Variants in CIC observed in about 807,000 individuals in gnomAD.
CIC encodes the protein protein capicua homolog.
Under a neutral mutation model 115.7 loss-of-function variants are expected in CIC, and 18 were observed. That is an observed-to-expected ratio of 0.16 (90% CI 0.11 to 0.23). CIC has a LOEUF of 0.23. CIC is among the 10% of genes least tolerant of loss of function. The pLI is 1.00. For synonymous variants in CIC, 1,076 were observed against 923.0 expected (o/e 1.17, Z -3.01); for missense variants, 2,000 against 2,159.3 (o/e 0.93, Z 1.46).
chr19:42,272,882 C>CTG lies in CIC; in HGVS notation c.1100_1101dup (p.Pro368CysfsTer108). 1 of 399,452 alleles carries CTG rather than the reference C, an allele frequency of 2.5e-6. No individual in the cohort carries two copies. The highest frequency in any genetic ancestry group is 4.4e-6 in the Non-Finnish European group (1 of 226,702). 24.7% of individuals were successfully genotyped at this position (399,452 alleles called of 1,614,324 possible). A position where few individuals can be genotyped will look rare whatever the true frequency, so the allele number is the denominator to read the frequency against. On this transcript the variant is annotated frameshift_variant, in exon 2 of 21. Transcript: ENST00000681038. LOFTEE classifies it high-confidence loss of function. ...AGAGCAGGCAGAGCCTGGGGCCACC[C>CTG]TGCCACCCTGCCCTGCTGCCCTGGA...
chr19:42,283,046 C>T (rs35590680), intron 2 of CIC, among the ~76,000 whole-genome samples: 6 of 152,106 alleles, frequency 3.9e-5, no homozygotes, highest in Admixed American at 3.3e-4. Context: ...CTCTGTATAC[C>T]TGATGGGCCT....
intron 10 of CIC, 41 bp from the exon 11 acceptor site, chr19:42,290,192 G>A (rs759647197): frequency 1.8e-5 from 29 of 1,613,234 alleles, no homozygotes; most frequent in Admixed American, 3.3e-5. Context: ...TCGAGGTGTC[G>A]GAGTGTCCTG....
At chr19:42,285,826 C>A (rs1211865883) in intron 2 of CIC, among the ~76,000 whole-genome samples, 1 of 152,260 alleles carries the variant, frequency 6.6e-6, no homozygotes, top group African/African-American at 2.4e-5. Flanking sequence ...CTTGCTCTTC[C>A]ACCACCCACC....
chr19:42,269,855 G>C (rs1329196779), intron 1 of CIC, among the ~76,000 whole-genome samples: 1 of 152,034 alleles, frequency 6.6e-6, no homozygotes, highest in Non-Finnish European at 1.5e-5. Flanking sequence ...GCTGGTGCCA[G>C]GAGGGCTAAT....
In CIC at chr19:42,293,008, G is replaced by C; in HGVS notation, c.6249G>C (p.Pro2083=). The change falls in exon 16 of 21, where the codon CCG becomes CCC. Residue 2083 remains proline, a synonymous_variant. Coordinates refer to ENST00000681038, the MANE Select transcript of CIC (RefSeq NM_001386298.1). ...CCCCCAAGGCCCAGCGGCCCAGCCC[G>C]AAGGCCCCCCAGAAAGTGAAGGCAG... is the stretch of plus-strand genomic sequence containing the variant. ...LVAPKAQRPS[P]KAPQKVKAAI... 1.2e-6 allele frequency: 2 copies of C among 1,613,452 alleles called. No homozygotes were observed. Among genetic ancestry groups the C allele is most frequent in the Non-Finnish European group, 1.7e-6 (2 of 1,179,970 alleles).
chr19:42,294,731 G>T lies in CIC; in HGVS notation c.7182G>T (p.Pro2394=). Residue 2394 remains proline, a synonymous_variant, in exon 20 of 21, where the codon CCG becomes CCT. Coordinates refer to ENST00000681038, the MANE Select transcript of CIC (RefSeq NM_001386298.1). ...TCTTTCAGGACCATGGCTTCTTCCC[G>T]TCAGGTGAGCCTGTCTCGGAGTCTT... ...MQLFQDHGFF[P]SAQATAAFQA... The T allele has an allele frequency of 6.2e-7, 1 of 1,613,202 alleles. No homozygotes were observed. The highest frequency in any genetic ancestry group is 1.1e-5 in the South Asian group (1 of 91,074).
chr19:42,286,420 G>T (rs2037646101), intron 2 of CIC, among the ~76,000 whole-genome samples: 1 of 152,162 alleles, frequency 6.6e-6, no homozygotes, highest in South Asian at 2.1e-4. Flanking sequence ...GAGGTCTGGG[G>T]CCTTGGGAGT....
At chr19:42,293,501 T>G in intron 16 of CIC, 91 bp from the exon 17 acceptor site, 1 of 1,598,106 alleles carries the variant, frequency 6.3e-7, no homozygotes, top group Non-Finnish European at 8.5e-7. Flanking sequence ...AGGGGTCTGC[T>G]GGGCGGGCTC....
chr19:42,288,812 T>G, intron 7 of CIC, 76 bp from the exon 8 acceptor site: 1 of 1,338,736 alleles, frequency 7.5e-7, no homozygotes, highest in Non-Finnish European at 1.1e-6. Flanking sequence ...CCTAGAAATA[T>G]CTATGGGTTG....
chr19:42,289,388 G>T lies in CIC; in HGVS notation c.4069G>T (p.Gly1357Trp). 3 of 1,594,318 alleles carry T rather than the reference G, an allele frequency of 1.9e-6. No individual in the cohort carries two copies. Among genetic ancestry groups the T allele is most frequent in the South Asian group, 1.1e-5 (1 of 89,236 alleles). Residue 1357 changes from glycine (G) to tryptophan (W), a missense_variant, in exon 9 of 21, where the codon GGG becomes TGG. Physicochemically the swap from Gly to Trp is radical, Grantham distance 184 (BLOSUM62 -2). Around this residue, in one of 8 missense-constraint regions of CIC, gnomAD observed 1,466 missense variants for 1,390.4 expected, o/e 1.05. Transcript: ENST00000681038. ...EERMVICEEE[G>W]DDDVIADDGF... ...GCGCATGGTCATCTGTGAGGAGGAAGGGGATGATGATGTCATTGGTGAGCA... is the reference window on the plus strand; with the variant it reads ...GCGCATGGTCATCTGTGAGGAGGAATGGGATGATGATGTCATTGGTGAGCA...
Position 42,295,308 on chromosome 19 carries a change from C to CG in CIC, c.*119dup. On this transcript the variant is annotated 3_prime_UTR_variant, in exon 21 of 21. Coordinates refer to ENST00000681038, the MANE Select transcript of CIC (RefSeq NM_001386298.1). The stretch of plus-strand genomic sequence containing the variant: ...CCATTTCGTCCTCTCCAGTTTGGGG[C>CG]GGAATGAGGCCTGCTCCTCTTGTAA... 1.1e-6 allele frequency: 1 copy of CG among 888,720 alleles called. No homozygotes were observed. The highest frequency in any genetic ancestry group is 1.7e-6 in the Non-Finnish European group (1 of 580,562). 55.1% of individuals were successfully genotyped at this position (888,720 alleles called of 1,614,324 possible). A position where few individuals can be genotyped will look rare whatever the true frequency, so the allele number is the denominator to read the frequency against.
rs1410164689 is a variant in CIC, at chr19:42,273,521, C to T, written c.1738C>T (p.Arg580Trp). 1.0e-5 allele frequency: 4 copies of T among 398,408 alleles called. No individual in the cohort carries two copies. The highest frequency in any genetic ancestry group is 1.3e-5 in the Non-Finnish European group (3 of 225,992). The allele number at this position is 398,408 out of a possible 1,614,324, so 24.7% of individuals were successfully genotyped here. The change falls in exon 2 of 21, where the codon CGG (arginine) becomes TGG (tryptophan). Residue 580 changes from arginine to tryptophan, a missense_variant. Arg to Trp is a moderately radical substitution (Grantham distance 101, BLOSUM62 -3). This residue lies in a region of CIC where 222 missense variants were observed against 247.7 expected (regional missense o/e 0.90). Coordinates refer to ENST00000681038, the MANE Select transcript of CIC (RefSeq NM_001386298.1). ...ASSVAARGDS[R>W]PRLVAPADLS... ...CAGTGTGGCGGCTCGTGGAGACTCA[C>T]GGCCACGCCTGGTGGCCCCTGCTGA...
rs200823713 is a variant in CIC, at chr19:42,291,535, C to T, written c.5426-23C>T. 5.3e-5 allele frequency: 85 copies of T among 1,613,022 alleles called. 1 individual carries two copies. Among genetic ancestry groups the T allele is most frequent in the Non-Finnish European group, 6.8e-5 (80 of 1,180,006 alleles). On this transcript the variant is annotated intron_variant, in intron 11 of 20. Coordinates refer to ENST00000681038, the MANE Select transcript of CIC (RefSeq NM_001386298.1). ...TGTTTGGCTCCCTTGTAACCTTTTC[C>T]TTTCTTGCCTCTTAACTTCCAGCCC...
In CIC at chr19:42,295,437, G is replaced by A; in HGVS notation, c.*246G>A. 1 of 505,496 alleles carries A rather than the reference G, an allele frequency of 2.0e-6. No homozygotes were observed. Among genetic ancestry groups the A allele is most frequent in the Non-Finnish European group, 3.5e-6 (1 of 284,102 alleles). The allele number at this position is 505,496 out of a possible 1,614,324, so 31.3% of individuals were successfully genotyped here. Reference sequence around the variant, plus strand: ...CCCCTGTACATAACCTGGAGCGTGTGACCTTCAGAGCTTTTCACTTTATGC... The same window carrying A: ...CCCCTGTACATAACCTGGAGCGTGTAACCTTCAGAGCTTTTCACTTTATGC... On this transcript the variant is annotated 3_prime_UTR_variant, in exon 21 of 21. Coordinates refer to ENST00000681038, the MANE Select transcript of CIC (RefSeq NM_001386298.1).
Position 42,287,645 on chromosome 19 carries a change from G to A in CIC, c.3410G>A (p.Arg1137Gln), listed in dbSNP as rs2147198843. 6.2e-7 allele frequency: 1 copy of A among 1,613,996 alleles called. No individual in the cohort carries two copies. The highest frequency in any genetic ancestry group is 2.2e-5 in the East Asian group (1 of 44,886). The change falls in exon 6 of 21, where the codon CGG becomes CAG. Residue 1137 changes from arginine (R) to glutamine (Q), a missense_variant. This residue lies in a region of CIC where 22 missense variants were observed against 93.8 expected (regional missense o/e 0.23). Coordinates refer to ENST00000681038, the MANE Select transcript of CIC (RefSeq NM_001386298.1). The surrounding 1 kb of genome is among the most constrained non-coding windows in gnomAD (Gnocchi z 8.7). ...VHQRHPNQDNRTVSKILGEWW... is the reference protein window; with the variant it reads ...VHQRHPNQDNQTVSKILGEWW... ...CAGCGTCATCCCAACCAGGACAACCGGACCGTCAGCAAGATCCTGGGCGAG... is the reference window on the plus strand; with the variant it reads ...CAGCGTCATCCCAACCAGGACAACCAGACCGTCAGCAAGATCCTGGGCGAG...
In CIC at chr19:42,272,471, C is replaced by G. The variant is rs1348029707; in HGVS notation, c.688C>G (p.Leu230Val). ...GCGCCAGGTGCGCCGAAGCCAGGACCTGGGCGTGCAGTTCCCTGGTGACCG... is the reference window on the plus strand; with the variant it reads ...GCGCCAGGTGCGCCGAAGCCAGGACGTGGGCGTGCAGTTCCCTGGTGACCG... The part of the protein sequence containing the change: ...VVRQVRRSQD[L>V]GVQFPGDRAL... Residue 230 changes from leucine to valine, a missense_variant, in exon 2 of 21, where the codon CTG becomes GTG. Physicochemically the swap from Leu to Val is conservative, Grantham distance 32. Around this residue, in one of 8 missense-constraint regions of CIC, gnomAD observed 222 missense variants for 247.7 expected, o/e 0.90. Transcript: ENST00000681038. 5.0e-6 allele frequency: 2 copies of G among 398,564 alleles called. No homozygotes were observed. The highest frequency in any genetic ancestry group is 7.1e-5 in the East Asian group (2 of 28,068). 24.7% of individuals were successfully genotyped at this position (398,564 alleles called of 1,614,324 possible).
chr19:42,274,283 G>A lies in CIC; in HGVS notation c.2500G>A (p.Val834Met). 2 of 398,814 alleles carry A rather than the reference G, an allele frequency of 5.0e-6. No individual in the cohort carries two copies. The highest frequency in any genetic ancestry group is 8.8e-6 in the Non-Finnish European group (2 of 226,206). The allele number at this position is 398,814 out of a possible 1,614,324, so 24.7% of individuals were successfully genotyped here. A position where few individuals can be genotyped will look rare whatever the true frequency, so the allele number is the denominator to read the frequency against. Residue 834 changes from valine (V) to methionine (M), a missense_variant, in exon 2 of 21, where the codon GTG becomes ATG. Around this residue, in one of 8 missense-constraint regions of CIC, gnomAD observed 222 missense variants for 247.7 expected, o/e 0.90. Coordinates refer to ENST00000681038, the MANE Select transcript of CIC (RefSeq NM_001386298.1). ...TGGGGAGGTGGGCACTGCTGGTGAG[G>A]TGCGGGCTGGGGGACCTGGGCGGGG... ...FPGEVGTAGE[V>M]RAGGPGRGCR... is the part of the protein sequence containing the mutation.
intron 12 of CIC, 66 bp downstream of exon 12, chr19:42,291,811 T>C: frequency 6.3e-7 from 1 of 1,585,940 alleles, no homozygotes; most frequent in South Asian, 1.1e-5. Context: ...TTCTTTGTCT[T>C]TTTTTTCAGT....
chr19:42,276,081 C>G (rs2036965499), intron 2 of CIC, among the ~76,000 whole-genome samples: 1 of 152,178 alleles, frequency 6.6e-6, no homozygotes, highest in Non-Finnish European at 1.5e-5. Context: ...GGGCCAGATG[C>G]CTATGAACTG....
Sources: allele counts gnomAD v4.1 joint callset (sites outside exome capture counted in the v4.1 genomes callset), GRCh38; gene constraint gnomAD v4.1.1; regional missense constraint gnomAD v4.1.1; non-coding constraint Gnocchi (gnomAD v3.1); transcripts MANE v1.5; gene names NCBI Gene and HGNC (gene_info 2026-07-23, HGNC 2026-07-21).